The following LRPPRC variants were observed in gnomAD, a reference collection of about 807,000 sequenced individuals.
The protein encoded by LRPPRC is leucine rich pentatricopeptide repeat containing.
In LRPPRC, 120 loss-of-function variants were observed where a neutral mutation model predicts 180.3. The observed-to-expected ratio is 0.67, with a 90% CI of 0.57 to 0.77. The LOEUF (loss-of-function observed/expected upper bound fraction) is 0.77. Among genes scored for constraint, LRPPRC ranks in the 30% least tolerant of loss-of-function variants. The pLI, the probability that LRPPRC is intolerant of heterozygous loss-of-function variation, is 0.00. For missense variants in LRPPRC, 2,012 were observed against 1,657.2 expected (o/e 1.21, Z -3.72); for synonymous variants, 723 against 600.0 (o/e 1.21, Z -3.00).
intron 35 of LRPPRC, 65 bp downstream of exon 35, chr2:43,896,569 A>C: frequency 9.6e-7 from 1 of 1,038,104 alleles, no homozygotes; most frequent in Middle Eastern, 2.0e-4. Flanking sequence ...TTTTATGTTA[A>C]ATTCAATACT....
chr2:43,896,556 G>T, intron 35 of LRPPRC, 78 bp downstream of exon 35: 1 of 941,954 alleles, frequency 1.1e-6, no homozygotes, highest in African/African-American at 1.6e-5. Flanking sequence ...TGAAACAACA[G>T]GCTTTTATGT....
chr2:43,886,298 A>G lies in LRPPRC; in HGVS notation c.*2302T>C, dbSNP rs897705723. On this transcript the variant is annotated 3_prime_UTR_variant, in exon 38 of 38. Coordinates refer to ENST00000260665, the MANE Select transcript of LRPPRC (RefSeq NM_133259.4). Reference sequence around the variant, plus strand: ...GGTTCAAATACATGAACATATAATTATATATAAAATACTATAGTTCTCAAT... The same window carrying G: ...GGTTCAAATACATGAACATATAATTGTATATAAAATACTATAGTTCTCAAT... Among the ~76,000 whole-genome samples, 2 of 152,166 alleles carry G rather than the reference A, an allele frequency of 1.3e-5. No individual in the cohort carries two copies. The highest frequency in any genetic ancestry group is 2.9e-5 in the Non-Finnish European group (2 of 68,034).
intron 13 of LRPPRC, among the ~76,000 whole-genome samples, chr2:43,958,205 T>C (rs892265353): frequency 6.6e-6 from 1 of 152,214 alleles, no homozygotes; most frequent in Non-Finnish European, 1.5e-5. Flanking sequence ...TCCCTGAATT[T>C]GTTTTTCCCT....
intron 29 of LRPPRC, 30 bp downstream of exon 29, chr2:43,917,993 CCA>C (rs775156475): frequency 1.5e-5 from 22 of 1,425,008 alleles, no homozygotes; most frequent in Admixed American, 8.5e-5. Context: ...GACCACCCCC[CCA>C]CACACACCCC....
intron 25 of LRPPRC, 114 bp downstream of exon 25, chr2:43,934,076 G>T: frequency 1.5e-6 from 1 of 685,894 alleles, no homozygotes; most frequent in South Asian, 1.7e-5. Context: ...TACTGGGATT[G>T]AATTCTATTA....
chr2:43,928,850 G>C (rs1455349733), intron 25 of LRPPRC, among the ~76,000 whole-genome samples: 8 of 152,056 alleles, frequency 5.3e-5, no homozygotes. Flanking sequence ...GTTAGAGTTT[G>C]ACCATCTGTG....
intron 26 of LRPPRC, 124 bp downstream of exon 26, chr2:43,925,769 C>G: frequency 1.3e-6 from 1 of 751,502 alleles, no homozygotes. Context: ...GGCAAATGAT[C>G]GAGATAAACA....
intron 14 of LRPPRC, 68 bp from the exon 15 acceptor site, chr2:43,950,668 A>G (rs757060274): frequency 3.4e-5 from 34 of 999,598 alleles, no homozygotes; most frequent in Non-Finnish European, 4.8e-5. Context: ...TACTTGTAAT[A>G]TGTACAGATC....
chr2:43,931,133 T>G (rs940126614), intron 25 of LRPPRC, among the ~76,000 whole-genome samples: 1 of 152,224 alleles, frequency 6.6e-6, no homozygotes, highest in Non-Finnish European at 1.5e-5. Context: ...ATTTAACTCT[T>G]AGCCCTTTGA....
chr2:43,934,136 C>G (rs1430457354), intron 25 of LRPPRC, 54 bp downstream of exon 25: 2 of 994,652 alleles, frequency 2.0e-6, no homozygotes, highest in Non-Finnish European at 3.2e-6. Context: ...TAAATGTATT[C>G]TAATTAAGAG....
rs1558885004 is a variant in LRPPRC, at chr2:43,889,894, A to G, written c.3986-18T>C. 3 of 1,580,826 alleles carry G rather than the reference A, an allele frequency of 1.9e-6. No homozygotes were observed. The highest frequency in any genetic ancestry group is 1.7e-5 in the Admixed American group (1 of 59,980). On this transcript the variant is annotated intron_variant, in intron 36 of 37. Transcript: ENST00000260665. ...CTCTGAGACTGACATAAAGAAAAAAATATATTAATCAGAGATAAAGACAAC... is the reference window on the plus strand; with the variant it reads ...CTCTGAGACTGACATAAAGAAAAAAGTATATTAATCAGAGATAAAGACAAC...
chr2:43,932,418 T>C (rs746984018), intron 25 of LRPPRC, among the ~76,000 whole-genome samples: 1 of 150,894 alleles, frequency 6.6e-6, no homozygotes, highest in South Asian at 2.1e-4. Flanking sequence ...ATGTTGCTCA[T>C]GACTTGTAGT....
In LRPPRC at chr2:43,974,248, C is replaced by T. The variant is rs763592077; in HGVS notation, c.1057G>A (p.Val353Ile). 2.5e-6 allele frequency: 4 copies of T among 1,611,654 alleles called. No individual in the cohort carries two copies. The highest frequency in any genetic ancestry group is 1.7e-5 in the Admixed American group (1 of 60,018). Residue 353 changes from valine (V) to isoleucine (I), a missense_variant, in exon 9 of 38, where the codon GTA becomes ATA. Coordinates refer to ENST00000260665, the MANE Select transcript of LRPPRC (RefSeq NM_133259.4). Reference sequence around the variant, plus strand: ...CATGCTAGTAAAATTTGCAACGCTACATCTTCCAATTTTTCAGTGACTAAA... The same window carrying T: ...CATGCTAGTAAAATTTGCAACGCTATATCTTCCAATTTTTCAGTGACTAAA... ...LLLVTEKLED[V>I]ALQILLACPV...
chr2:43,901,255 G>GTA, intron 32 of LRPPRC, 65 bp downstream of exon 32: 1 of 1,319,032 alleles, frequency 7.6e-7, no homozygotes, highest in South Asian at 1.2e-5. Context: ...TTTTTAAAAG[G>GTA]TGGTATCTGA....
intron 29 of LRPPRC, among the ~76,000 whole-genome samples, chr2:43,913,911 T>A (rs949077660): frequency 2.0e-5 from 3 of 152,228 alleles, no homozygotes; most frequent in Non-Finnish European, 4.4e-5. Context: ...ATTTCACTTT[T>A]CTGAAACGGG....
intron 31 of LRPPRC, among the ~76,000 whole-genome samples, chr2:43,904,176 A>G (rs1670984393): frequency 6.6e-6 from 1 of 152,084 alleles, no homozygotes; most frequent in South Asian, 2.1e-4. Context: ...TCCTGGACTC[A>G]AGCAATCCTC....
intron 11 of LRPPRC, among the ~76,000 whole-genome samples, chr2:43,971,864 A>G (rs1673830609): frequency 6.6e-6 from 1 of 152,206 alleles, no homozygotes; most frequent in Non-Finnish European, 1.5e-5. Flanking sequence ...CCTACTGCAA[A>G]GAAGAATATA....
chr2:43,937,991 C>T (rs535639603), intron 23 of LRPPRC, among the ~76,000 whole-genome samples: 62 of 152,228 alleles, frequency 4.1e-4, no homozygotes, highest in African/African-American at 1.5e-3. Context: ...TAACAATAAT[C>T]CTCTGAAGAA....
At chr2:43,928,999 T>A (rs1368952519) in intron 25 of LRPPRC, among the ~76,000 whole-genome samples, 1 of 152,174 alleles carries the variant, frequency 6.6e-6, no homozygotes, top group Non-Finnish European at 1.5e-5. Context: ...TACTATATCA[T>A]TATAATAAAG....
Sources: gnomAD v4.1 joint callset for allele counts (sites outside exome capture counted in the v4.1 genomes callset) on GRCh38, gnomAD v4.1.1 for gene constraint, MANE v1.5 for transcripts, NCBI Gene and HGNC (gene_info 2026-07-23, HGNC 2026-07-21) for gene names.